ARB2A: variants seen among roughly 807,000 people sequenced by gnomAD.
ARB2A encodes the protein cotranscriptional regulator ARB2A.
At chr5:93,858,049 C>T in the ARB2A span, among the ~76,000 whole-genome samples, 10 of 152,158 alleles carry the variant, frequency 6.6e-5, no homozygotes, top group African/African-American at 2.2e-4. Context: ...AAAGCTAAAT[C>T]AGCAAAGAGA....
the ARB2A span, among the ~76,000 whole-genome samples, chr5:93,666,982 T>C: frequency 6.6e-6 from 1 of 152,212 alleles, no homozygotes; most frequent in East Asian, 1.9e-4. Flanking sequence ...AAATTTTTAT[T>C]CCTTTGGAGT....
the ARB2A span, among the ~76,000 whole-genome samples, chr5:93,855,272 G>T: frequency 6.6e-6 from 1 of 152,102 alleles, no homozygotes; most frequent in Non-Finnish European, 1.5e-5. Flanking sequence ...CAGAGACTAG[G>T]ATTGCAACCC....
the ARB2A span, among the ~76,000 whole-genome samples, chr5:94,071,087 G>A: frequency 6.6e-6 from 1 of 152,024 alleles, no homozygotes; most frequent in Non-Finnish European, 1.5e-5. Context: ...AAAACCTGTT[G>A]ATGAATGTTT....
the ARB2A span, among the ~76,000 whole-genome samples, chr5:93,682,254 A>C: frequency 2.0e-5 from 3 of 151,862 alleles, no homozygotes; most frequent in Admixed American, 2.0e-4. Context: ...AAAAAAAAAA[A>C]AAAAAACATT....
At chr5:93,785,150 A>G in the ARB2A span, among the ~76,000 whole-genome samples, 1 of 152,214 alleles carries the variant, frequency 6.6e-6, no homozygotes, top group African/African-American at 2.4e-5. Context: ...TAACAAAAAA[A>G]GATTTGCTTG....
At chr5:93,929,259 T>C in the ARB2A span, among the ~76,000 whole-genome samples, 1 of 152,128 alleles carries the variant, frequency 6.6e-6, no homozygotes, top group Non-Finnish European at 1.5e-5. Context: ...TCAGGGAATG[T>C]TTCAAGAGGT....
the ARB2A span, chr5:93,683,701 T>C: frequency 3.7e-6 from 6 of 1,611,206 alleles, no homozygotes; most frequent in Non-Finnish European, 5.1e-6. Flanking sequence ...CATGTCCATG[T>C]CCATCGAATC....
chr5:93,737,905 A>G, the ARB2A span: 1 of 448,600 alleles, frequency 2.2e-6, no homozygotes, highest in South Asian at 1.6e-5. Flanking sequence ...CACAGGAGCA[A>G]ATCTTCATGA....
the ARB2A span, among the ~76,000 whole-genome samples, chr5:93,680,138 C>T: frequency 6.6e-6 from 1 of 152,006 alleles, no homozygotes; most frequent in African/African-American, 2.4e-5. Context: ...TTCAAAGATT[C>T]CATCATCTTT....
At chr5:93,814,361 A>G in the ARB2A span, among the ~76,000 whole-genome samples, 1 of 152,226 alleles carries the variant, frequency 6.6e-6, no homozygotes, top group East Asian at 1.9e-4. Flanking sequence ...GCATCAAGCA[A>G]AAGATAACTA....
chr5:93,850,679 A>G, the ARB2A span, among the ~76,000 whole-genome samples: 1 of 152,198 alleles, frequency 6.6e-6, no homozygotes, highest in East Asian at 1.9e-4. Context: ...CATGTTCTAG[A>G]AATTAAAATT....
chr5:94,027,957 C>T, the ARB2A span, among the ~76,000 whole-genome samples: 14 of 152,084 alleles, frequency 9.2e-5, no homozygotes, highest in African/African-American at 3.4e-4. Flanking sequence ...AATTAGAGGA[C>T]CCCCCAGCTG....
At chr5:93,855,028 T>C in the ARB2A span, among the ~76,000 whole-genome samples, 1 of 152,164 alleles carries the variant, frequency 6.6e-6, no homozygotes, top group Admixed American at 6.5e-5. Flanking sequence ...ACTTTCTGTC[T>C]TGTTGATATG....
At chr5:93,727,821 T>C in the ARB2A span, among the ~76,000 whole-genome samples, 17 of 152,080 alleles carry the variant, frequency 1.1e-4, no homozygotes, top group Admixed American at 9.2e-4. Context: ...AAACAATTTA[T>C]GCTAAAAAGT....
At chr5:93,753,781 T>C in the ARB2A span, among the ~76,000 whole-genome samples, 1 of 152,240 alleles carries the variant, frequency 6.6e-6, no homozygotes, top group Non-Finnish European at 1.5e-5. Context: ...AGGAATAATG[T>C]GATGGTTGTA....
At chr5:94,055,955 T>A in the ARB2A span, 2 of 914,220 alleles carry the variant, frequency 2.2e-6, no homozygotes, top group Non-Finnish European at 2.6e-6. Flanking sequence ...TCAAAGCACT[T>A]TCATATACAT....
At chr5:93,716,988 C>G in the ARB2A span, among the ~76,000 whole-genome samples, 48 of 151,196 alleles carry the variant, frequency 3.2e-4, no homozygotes, top group African/African-American at 1.1e-3. Flanking sequence ...ATTTTTTTTT[C>G]TTGATGAAGG....
At chr5:94,033,676 C>A in the ARB2A span, among the ~76,000 whole-genome samples, 4 of 152,134 alleles carry the variant, frequency 2.6e-5, no homozygotes, top group Admixed American at 6.5e-5. Context: ...CTGCCCATCT[C>A]GGCCTCCCAC....
chr5:93,808,089 G>A, the ARB2A span, among the ~76,000 whole-genome samples: 2 of 151,918 alleles, frequency 1.3e-5, no homozygotes, highest in South Asian at 2.1e-4. Context: ...GGGAACATGC[G>A]CAATAGATCA....
Sources: gnomAD v4.1 joint callset for allele counts (sites outside exome capture counted in the v4.1 genomes callset) on GRCh38, gnomAD v4.1.1 for gene constraint, MANE v1.5 for transcripts, NCBI Gene and HGNC (gene_info 2026-07-23, HGNC 2026-07-21) for gene names.